TMPRSS15: variants seen among roughly 807,000 people sequenced by gnomAD.
TMPRSS15 encodes transmembrane serine protease 15, also known as enteropeptidase.
A neutral mutation model predicts 125.3 loss-of-function variants in TMPRSS15; 128 were observed. That is an observed-to-expected ratio of 1.02 (90% CI 0.89 to 1.18). The LOEUF (loss-of-function observed/expected upper bound fraction) is 1.18, where lower values mean the gene tolerates loss of function less well. Ranked by LOEUF, TMPRSS15 falls within the 50% of genes most tolerant of loss-of-function variation. TMPRSS15 has a pLI of 0.00. For missense variants in TMPRSS15, 1,283 were observed against 1,212.7 expected (o/e 1.06, Z -0.86); for synonymous variants, 446 against 423.2 (o/e 1.05, Z -0.66).
intron 5 of TMPRSS15, among the ~76,000 whole-genome samples, 195 bp from the exon 6 acceptor site, chr21:18,372,519 A>G (rs1456745540): frequency 6.6e-6 from 1 of 152,176 alleles, no homozygotes; most frequent in Non-Finnish European, 1.5e-5. Flanking sequence ...ATGTGGGGCA[A>G]TTTTGGAAAG....
At chr21:18,277,082 A>G (rs987146501) in intron 23 of TMPRSS15, among the ~76,000 whole-genome samples, 2 of 152,078 alleles carry the variant, frequency 1.3e-5, no homozygotes, top group Non-Finnish European at 2.9e-5. Flanking sequence ...CTGGGATTTT[A>G]TGAAATTAAG....
chr21:18,294,661 G>C lies in TMPRSS15; in HGVS notation c.2262-9C>G. The C allele has an allele frequency of 6.2e-7, 1 of 1,605,932 alleles. No individual in the cohort carries two copies. The highest frequency in any genetic ancestry group is 8.5e-7 in the Non-Finnish European group (1 of 1,172,742). On this transcript the variant is annotated splice_polypyrimidine_tract_variant and intron_variant, in intron 19 of 24. Coordinates refer to ENST00000284885, the MANE Select transcript of TMPRSS15 (RefSeq NM_002772.3). ...CCTGTAAACACTGTTGACTGTAATA[G>C]AAGAACAATCATATTTTTAAAATTA... is the stretch of plus-strand genomic sequence containing the variant.
intron 1 of TMPRSS15, among the ~76,000 whole-genome samples, chr21:18,445,172 T>TA (rs1385560484): frequency 1.3e-5 from 2 of 151,308 alleles, no homozygotes; most frequent in Non-Finnish European, 2.9e-5. Context: ...ATACCCCATT[T>TA]AAAAAAATCC....
intron 1 of TMPRSS15, among the ~76,000 whole-genome samples, chr21:18,402,088 G>A (rs1233150092): frequency 1.3e-5 from 2 of 152,024 alleles, no homozygotes; most frequent in African/African-American, 4.8e-5. Context: ...TAGCCCGTGT[G>A]TATGTCTATA....
At chr21:18,432,924 GGACTAATTATTT>G (rs940349837) in intron 1 of TMPRSS15, among the ~76,000 whole-genome samples, 2 of 151,892 alleles carry the variant, frequency 1.3e-5, no homozygotes, top group Non-Finnish European at 2.9e-5. Flanking sequence ...GAAAAAGTGG[GGACTAATTATTT>G]GTGAGAGTTA....
At chr21:18,358,546 G>T (rs1367065014) in intron 8 of TMPRSS15, among the ~76,000 whole-genome samples, 1 of 151,782 alleles carries the variant, frequency 6.6e-6, no homozygotes, top group Admixed American at 6.6e-5. Context: ...AAGAGCAAAT[G>T]TGACTTACCA....
At chr21:18,283,409 A>C (rs921610478) in intron 21 of TMPRSS15, among the ~76,000 whole-genome samples, 2 of 152,058 alleles carry the variant, frequency 1.3e-5, no homozygotes, top group African/African-American at 4.8e-5. Flanking sequence ...CTCAATATTT[A>C]CAAAAAATTA....
At chr21:18,456,657 T>A (rs1569072541) in intron 1 of TMPRSS15, among the ~76,000 whole-genome samples, 1 of 152,104 alleles carries the variant, frequency 6.6e-6, no homozygotes, top group South Asian at 2.1e-4. Context: ...GTTAGAATTG[T>A]TAATTAGAGC....
chr21:18,354,825 G>A (rs1438704040), intron 8 of TMPRSS15, among the ~76,000 whole-genome samples: 3 of 151,712 alleles, frequency 2.0e-5, no homozygotes, highest in Admixed American at 6.6e-5. Context: ...TTAGATTCAG[G>A]CCTATAAAAA....
At chr21:18,424,910 ATAT>A (rs1226737268) in intron 1 of TMPRSS15, among the ~76,000 whole-genome samples, 3 of 148,704 alleles carry the variant, frequency 2.0e-5, no homozygotes, top group Non-Finnish European at 3.0e-5. Flanking sequence ...TAATTCATAT[ATAT>A]TATATTATAT....
intron 10 of TMPRSS15, among the ~76,000 whole-genome samples, chr21:18,349,561 A>C (rs2075542826): frequency 6.6e-6 from 1 of 152,192 alleles, no homozygotes; most frequent in South Asian, 2.1e-4. Context: ...AGAAATATTT[A>C]ATTCTCTTTC....
chr21:18,352,679 C>G (rs2075582291), intron 10 of TMPRSS15, among the ~76,000 whole-genome samples: 1 of 151,916 alleles, frequency 6.6e-6, no homozygotes, highest in Non-Finnish European at 1.5e-5. Flanking sequence ...TACTTTTCAA[C>G]ATTTTGCAAA....
intron 1 of TMPRSS15, among the ~76,000 whole-genome samples, chr21:18,414,682 A>G (rs1363473974): frequency 6.6e-6 from 1 of 152,180 alleles, no homozygotes. Flanking sequence ...CAAAAAGCAG[A>G]ATTTCCTTCC....
intron 8 of TMPRSS15, among the ~76,000 whole-genome samples, chr21:18,356,273 A>C (rs931434390): frequency 2.0e-5 from 3 of 151,844 alleles, no homozygotes; most frequent in Non-Finnish European, 2.9e-5. Flanking sequence ...TTTCTACAGA[A>C]TAGGATTCAA....
intron 13 of TMPRSS15, among the ~76,000 whole-genome samples, chr21:18,336,540 A>G (rs1476937996): frequency 6.6e-6 from 1 of 152,242 alleles, no homozygotes; most frequent in African/African-American, 2.4e-5. Context: ...CATTCCTGAT[A>G]TAAATATTTT....
intron 1 of TMPRSS15, among the ~76,000 whole-genome samples, chr21:18,482,014 C>T (rs577581351): frequency 6.6e-6 from 1 of 151,696 alleles, no homozygotes; most frequent in East Asian, 1.9e-4. Context: ...AGTTCTTTCA[C>T]TTGCTTTACT....
At chr21:18,445,116 A>C (rs1461617373) in intron 1 of TMPRSS15, among the ~76,000 whole-genome samples, 2 of 152,014 alleles carry the variant, frequency 1.3e-5, no homozygotes, top group Non-Finnish European at 2.9e-5. Flanking sequence ...GAAATGACCA[A>C]ATTTCATTTT....
rs568751167 is a variant in TMPRSS15 at position 18,346,947 on chromosome 21, G to A, written c.1172-2887C>T. ...ACCTCAATGTCATTTTCCGGCTATTGCACCTATACTTCATCTATTTCCATA... is the reference window on the plus strand; with the variant it reads ...ACCTCAATGTCATTTTCCGGCTATTACACCTATACTTCATCTATTTCCATA... On this transcript the variant is annotated intron_variant, in intron 10 of 24. Transcript: ENST00000284885. 5.7e-4 allele frequency among the ~76,000 whole-genome samples: 86 copies of A among 152,180 alleles called. 1 individual carries two copies. Among genetic ancestry groups the A allele is most frequent in the East Asian group, 1.4e-3 (7 of 5,184 alleles).
chr21:18,383,711 C>G lies in TMPRSS15; in HGVS notation c.412G>C (p.Glu138Gln), dbSNP rs371789215. 2.6e-5 allele frequency: 42 copies of G among 1,613,820 alleles called. No homozygotes were observed. Among genetic ancestry groups the G allele is most frequent in the Non-Finnish European group, 3.5e-5 (41 of 1,179,944 alleles). Residue 138 changes from glutamate to glutamine, a missense_variant, in exon 4 of 25, where the codon GAA (glutamate) becomes CAA (glutamine). Physicochemically the swap from Glu to Gln is conservative, Grantham distance 29. Coordinates refer to ENST00000284885, the MANE Select transcript of TMPRSS15 (RefSeq NM_002772.3). ...AQWVSDENVK[E>Q]ELIQGLEANK... ...GCTTCAAGGCCTTGAATCAGTTCTT[C>G]TTTTACATTTTCATCTGACACCCAC...
Sources: gnomAD v4.1 joint callset for allele counts (sites outside exome capture counted in the v4.1 genomes callset) on GRCh38, gnomAD v4.1.1 for gene constraint, MANE v1.5 for transcripts, NCBI Gene and HGNC (gene_info 2026-07-23, HGNC 2026-07-21) for gene names.